Variants in KIAA1217 observed in about 807,000 individuals in gnomAD.
KIAA1217 encodes the protein sickle tail protein homolog.
Under a neutral mutation model 163.9 loss-of-function variants are expected in KIAA1217, and 88 were observed. The ratio of observed to expected loss-of-function variants is 0.54; its 90% CI spans 0.45 to 0.64. The LOEUF (loss-of-function observed/expected upper bound fraction) is 0.64. KIAA1217 is among the 30% of genes least tolerant of loss of function. The pLI, the probability that KIAA1217 is intolerant of heterozygous loss-of-function variation, is 0.00. For missense variants in KIAA1217, 2,372 were observed against 2,475.0 expected (o/e 0.96, Z 0.88); for synonymous variants, 903 against 923.1 (o/e 0.98, Z 0.39).
chr10:23,704,112 A>G (rs1448209575), intron 1 of KIAA1217, among the ~76,000 whole-genome samples: 12 of 141,918 alleles, frequency 8.5e-5, no homozygotes, highest in African/African-American at 3.1e-4. Context: ...TATTATGCAC[A>G]CACATACACA....
intron 1 of KIAA1217, among the ~76,000 whole-genome samples, chr10:23,987,854 C>G (rs1846050739): frequency 6.6e-6 from 1 of 152,078 alleles, no homozygotes; most frequent in South Asian, 2.1e-4. Context: ...TAACTGTTCA[C>G]AAAACCTCTC....
chr10:24,137,579 A>C (rs2063883727), intron 2 of KIAA1217, among the ~76,000 whole-genome samples: 1 of 152,242 alleles, frequency 6.6e-6, no homozygotes, highest in Non-Finnish European at 1.5e-5. Flanking sequence ...TGTTGACCTG[A>C]GTTCAATTTT....
chr10:24,508,908 A>G (rs2068726497), intron 9 of KIAA1217, among the ~76,000 whole-genome samples: 1 of 152,190 alleles, frequency 6.6e-6, no homozygotes, highest in South Asian at 2.1e-4. Flanking sequence ...TTGGGGATTG[A>G]TTGTAAAAGG....
At chr10:23,785,786 T>G (rs192046219) in intron 1 of KIAA1217, among the ~76,000 whole-genome samples, 1 of 152,174 alleles carries the variant, frequency 6.6e-6, no homozygotes, top group East Asian at 1.9e-4. Context: ...ATGTAGTAAT[T>G]TGTTGAATAA....
At chr10:24,386,417 C>T (rs910460906) in intron 3 of KIAA1217, among the ~76,000 whole-genome samples, 1 of 152,140 alleles carries the variant, frequency 6.6e-6, no homozygotes, top group African/African-American at 2.4e-5. Context: ...TGTGTACATG[C>T]AAGGCTGAGT....
At chr10:24,245,899 A>G (rs1200409405) in intron 2 of KIAA1217, among the ~76,000 whole-genome samples, 2 of 151,892 alleles carry the variant, frequency 1.3e-5, no homozygotes, top group African/African-American at 4.8e-5. Flanking sequence ...TAGTCTCCCC[A>G]AAAGTTTAGA....
chr10:24,516,355 A>G (rs1342595919), intron 10 of KIAA1217, among the ~76,000 whole-genome samples: 1 of 152,250 alleles, frequency 6.6e-6, no homozygotes, highest in Non-Finnish European at 1.5e-5. Context: ...GACCATACTC[A>G]GGCCTCACAT....
intron 1 of KIAA1217, among the ~76,000 whole-genome samples, chr10:23,944,539 A>G (rs951702764): frequency 7.9e-5 from 12 of 152,308 alleles, no homozygotes; most frequent in African/African-American, 2.9e-4. Context: ...CACATGCTTC[A>G]CCAAAGATAT....
chr10:23,970,119 G>C (rs1845251295), intron 1 of KIAA1217, among the ~76,000 whole-genome samples: 1 of 152,140 alleles, frequency 6.6e-6, no homozygotes, highest in African/African-American at 2.4e-5. Context: ...GATGAGGTTT[G>C]GGTGGGGACA....
At chr10:24,493,442 A>G (rs1005381493) in intron 6 of KIAA1217, among the ~76,000 whole-genome samples, 5 of 152,370 alleles carry the variant, frequency 3.3e-5, no homozygotes, top group Admixed American at 6.5e-5. Flanking sequence ...ACATGAGGTG[A>G]CATGTGAAGC....
chr10:24,527,852 C>A (rs931898896), intron 13 of KIAA1217, 84 bp from the exon 14 acceptor site: 1 of 1,042,496 alleles, frequency 9.6e-7, no homozygotes, highest in Admixed American at 2.0e-5. Context: ...CTTCCTCCCA[C>A]CCTCCACCCT....
At chr10:24,355,726 CTCTTTTTTTTTTTTTTTTTTTT>C (rs1292574055) in intron 2 of KIAA1217, among the ~76,000 whole-genome samples, 2 of 69,236 alleles carry the variant, frequency 2.9e-5, no homozygotes, top group African/African-American at 7.8e-5. Context: ...CAAGTCCTCA[CTCTTTTTTTTTTTTTTTTTTTT>C]TTTTTTTTTT....
At chr10:23,933,914 A>T (rs1843361718) in intron 1 of KIAA1217, among the ~76,000 whole-genome samples, 2 of 152,222 alleles carry the variant, frequency 1.3e-5, no homozygotes, top group African/African-American at 4.8e-5. Flanking sequence ...CTGTGGAGAA[A>T]AAGAAACACT....
intron 1 of KIAA1217, among the ~76,000 whole-genome samples, chr10:23,911,789 C>T (rs1278070931): frequency 6.6e-6 from 1 of 152,156 alleles, no homozygotes; most frequent in Non-Finnish European, 1.5e-5. Flanking sequence ...GCCTTCAACT[C>T]TTCCTTCTGT....
At chr10:23,833,006 G>C (rs764103526) in intron 1 of KIAA1217, among the ~76,000 whole-genome samples, 1 of 151,880 alleles carries the variant, frequency 6.6e-6, no homozygotes, top group South Asian at 2.1e-4. Context: ...CCTCCCACCC[G>C]GTCCCTCCCA....
At chr10:24,024,227 C>A (rs1847852020) in intron 2 of KIAA1217, among the ~76,000 whole-genome samples, 1 of 151,440 alleles carries the variant, frequency 6.6e-6, no homozygotes, top group Admixed American at 6.6e-5. Flanking sequence ...AGTTTTGTAA[C>A]CACCAGCATA....
chr10:23,763,056 G>A lies in KIAA1217; in HGVS notation c.-321+67822G>A, dbSNP rs541943882. Reference sequence around the variant, plus strand: ...AAATACCTAGGAATACAGCTAACAAGGCTGTGAAGGACCTATTCAAGGAGA... The same window carrying A: ...AAATACCTAGGAATACAGCTAACAAAGCTGTGAAGGACCTATTCAAGGAGA... On this transcript the variant is annotated intron_variant, in intron 1 of 18. Transcript: ENST00000376462. Among the ~76,000 whole-genome samples, 24 of 152,202 alleles carry A rather than the reference G, an allele frequency of 1.6e-4. 1 individual carries two copies. Among genetic ancestry groups the A allele is most frequent in the South Asian group, 1.5e-3 (7 of 4,822 alleles).
chr10:23,715,501 A>G lies in KIAA1217; in HGVS notation c.-321+20267A>G, dbSNP rs115007568. 9.2e-3 allele frequency among the ~76,000 whole-genome samples: 1,400 copies of G among 152,286 alleles called. 22 individuals are homozygous for G. Among genetic ancestry groups the G allele is most frequent in the African/African-American group, 0.031 (1,301 of 41,574 alleles). On this transcript the variant is annotated intron_variant, in intron 1 of 18. Coordinates refer to the KIAA1217 transcript ENST00000376462. ...TATTTTGGCTTATTACCTTTTTACT[A>G]TTGAGTATGATGAGACCTCATGGTA...
intron 1 of KIAA1217, among the ~76,000 whole-genome samples, chr10:23,860,090 T>C (rs907649245): frequency 1.3e-5 from 2 of 152,158 alleles, no homozygotes; most frequent in African/African-American, 4.8e-5. Context: ...CTGCCCCTCG[T>C]ACGTTCTGAT....
Sources: gnomAD v4.1 joint callset for allele counts (sites outside exome capture counted in the v4.1 genomes callset) on GRCh38, gnomAD v4.1.1 for gene constraint, MANE v1.5 for transcripts, NCBI Gene and HGNC (gene_info 2026-07-23, HGNC 2026-07-21) for gene names.